The following BICC1 variants were observed in gnomAD, a reference collection of about 807,000 sequenced individuals.
The protein encoded by BICC1 is BicC family RNA binding protein 1.
A neutral mutation model predicts 111.0 loss-of-function variants in BICC1; 43 were observed. The ratio of observed to expected loss-of-function variants is 0.39; its 90% CI spans 0.30 to 0.50. BICC1 has a LOEUF of 0.50. BICC1 is among the 20% of genes least tolerant of loss of function. BICC1 has a pLI of 0.88. For missense variants in BICC1, 1,091 were observed against 1,203.2 expected (o/e 0.91, Z 1.38); for synonymous variants, 467 against 434.4 (o/e 1.07, Z -0.93).
chr10:58,608,899 C>T (rs1845323467), intron 1 of BICC1, among the ~76,000 whole-genome samples: 1 of 152,128 alleles, frequency 6.6e-6, no homozygotes, highest in Non-Finnish European at 1.5e-5. Flanking sequence ...ATAAGCAGCC[C>T]TGATGAAAGC....
At chr10:58,548,846 GT>G (rs1338102039) in intron 1 of BICC1, among the ~76,000 whole-genome samples, 1 of 152,042 alleles carries the variant, frequency 6.6e-6, no homozygotes, top group African/African-American at 2.4e-5. Context: ...ATAGGCCCTT[GT>G]TTTTGTTTTA....
chr10:58,568,970 G>A (rs1843858153), intron 1 of BICC1, among the ~76,000 whole-genome samples: 1 of 152,140 alleles, frequency 6.6e-6, no homozygotes, highest in African/African-American at 2.4e-5. Flanking sequence ...GTGTTCCTAA[G>A]GAAAGATTTT....
intron 1 of BICC1, among the ~76,000 whole-genome samples, chr10:58,549,535 C>T (rs1843233987): frequency 6.6e-6 from 1 of 151,736 alleles, no homozygotes; most frequent in Non-Finnish European, 1.5e-5. Flanking sequence ...TTGTATTTCC[C>T]TAATGAGATA....
intron 3 of BICC1, among the ~76,000 whole-genome samples, chr10:58,715,122 G>C (rs1840698154): frequency 6.6e-6 from 1 of 151,792 alleles, no homozygotes; most frequent in South Asian, 2.1e-4. Flanking sequence ...ACGACATCTT[G>C]GTTTTTTAAA....
chr10:58,513,033 G>A lies in BICC1; in HGVS notation c.-111G>A, dbSNP rs1461219870. 8 of 797,624 alleles carry A rather than the reference G, an allele frequency of 1.0e-5. No homozygotes were observed. Among genetic ancestry groups the A allele is most frequent in the African/African-American group, 1.8e-5 (1 of 54,454 alleles). 49.4% of individuals were successfully genotyped at this position (797,624 alleles called of 1,614,324 possible). ...GCGGTGGCGTCGGCGGCTGCAGGGG[G>A]ACGAGCTAGCGCCGCGGCGCTGGGA... On this transcript the variant is annotated 5_prime_UTR_variant, in exon 1 of 21. Coordinates refer to ENST00000373886, the MANE Select transcript of BICC1 (RefSeq NM_001080512.3).
At chr10:58,549,840 T>A (rs189533903) in intron 1 of BICC1, among the ~76,000 whole-genome samples, 1 of 151,492 alleles carries the variant, frequency 6.6e-6, no homozygotes, top group African/African-American at 2.4e-5. Flanking sequence ...TGTGCACCAT[T>A]GTGCCCGGCT....
chr10:58,677,220 T>C (rs1839373359), intron 2 of BICC1, among the ~76,000 whole-genome samples: 2 of 152,138 alleles, frequency 1.3e-5, no homozygotes, highest in South Asian at 4.1e-4. Context: ...TTGACAGAAG[T>C]AGGCTTCAGA....
intron 3 of BICC1, among the ~76,000 whole-genome samples, chr10:58,769,394 G>GTATATATATA (rs1424916212): frequency 4.7e-5 from 5 of 107,308 alleles, no homozygotes; most frequent in African/African-American, 1.5e-4. Flanking sequence ...GTGTGTGTGT[G>GTATATATATA]TGTGTGTGTG....
chr10:58,702,049 A>G (rs1211981889), intron 2 of BICC1, 25 bp from the exon 3 acceptor site: 2 of 1,583,068 alleles, frequency 1.3e-6, no homozygotes, highest in South Asian at 1.1e-5. Context: ...AATTGAGTCA[A>G]TATTTCTCTC....
intron 1 of BICC1, among the ~76,000 whole-genome samples, chr10:58,514,653 GTCTTTC>G (rs1842192503): frequency 7.1e-6 from 1 of 140,672 alleles, no homozygotes; most frequent in African/African-American, 2.8e-5. Context: ...TGTGTGTCAT[GTCTTTC>G]TCTGTCTCTC....
chr10:58,527,741 A>G (rs1298404378), intron 1 of BICC1, among the ~76,000 whole-genome samples: 2 of 151,880 alleles, frequency 1.3e-5, no homozygotes, highest in African/African-American at 4.8e-5. Flanking sequence ...GTAGATATAG[A>G]CCAATGGAAC....
At chr10:58,578,281 AGTT>A (rs776058145) in intron 1 of BICC1, among the ~76,000 whole-genome samples, 5 of 151,774 alleles carry the variant, frequency 3.3e-5, no homozygotes, top group Non-Finnish European at 7.4e-5. Flanking sequence ...AGTATTTCCG[AGTT>A]GTTATTTTTT....
chr10:58,691,443 A>G lies in BICC1; in HGVS notation c.238-10631A>G, dbSNP rs16912500. ...TTTTATGTCCCAGAGGAACCCCAAG[A>G]CCTGTTCTTCACTAACATTATAGGC... On this transcript the variant is annotated intron_variant, in intron 2 of 20. Transcript: ENST00000373886. Among the ~76,000 whole-genome samples the G allele has an allele frequency of 9.8e-3, 1,488 of 152,230 alleles. 21 individuals carry two copies. The highest frequency in any genetic ancestry group is 0.034 in the African/African-American group (1,432 of 41,540).
intron 17 of BICC1, among the ~76,000 whole-genome samples, chr10:58,808,508 G>C (rs1237765846): frequency 6.6e-6 from 1 of 152,084 alleles, no homozygotes; most frequent in East Asian, 1.9e-4. Flanking sequence ...AAGACCAACA[G>C]TAGGACAAGT....
intron 3 of BICC1, among the ~76,000 whole-genome samples, chr10:58,724,359 T>C (rs1244783394): frequency 1.3e-5 from 2 of 152,094 alleles, no homozygotes; most frequent in Non-Finnish European, 2.9e-5. Context: ...ATTGGATGAT[T>C]GGATGAAAGA....
chr10:58,773,362 G>C (rs1313252208), intron 3 of BICC1, among the ~76,000 whole-genome samples: 2 of 152,202 alleles, frequency 1.3e-5, no homozygotes, highest in African/African-American at 4.8e-5. Flanking sequence ...TGTTGTGTCA[G>C]TCTCACTCTG....
chr10:58,795,715 G>A (rs1205863820), intron 9 of BICC1, among the ~76,000 whole-genome samples: 1 of 151,420 alleles, frequency 6.6e-6, no homozygotes, highest in Non-Finnish European at 1.5e-5. Flanking sequence ...TTTTCTTGAT[G>A]AGTCCATTGT....
At chr10:58,802,004 CA>C (rs1441696678) in intron 14 of BICC1, among the ~76,000 whole-genome samples, 13 of 152,196 alleles carry the variant, frequency 8.5e-5, no homozygotes, top group African/African-American at 3.1e-4. Flanking sequence ...GCTTAAGCTG[CA>C]GCCTCCAGAA....
intron 9 of BICC1, among the ~76,000 whole-genome samples, chr10:58,794,115 C>G (rs1426064845): frequency 6.6e-6 from 1 of 150,602 alleles, no homozygotes; most frequent in African/African-American, 2.4e-5. Context: ...AATCTGGTAA[C>G]TTGAAGCTTT....
Sources: gnomAD v4.1 joint callset for allele counts (sites outside exome capture counted in the v4.1 genomes callset) on GRCh38, gnomAD v4.1.1 for gene constraint, MANE v1.5 for transcripts, NCBI Gene and HGNC (gene_info 2026-07-23, HGNC 2026-07-21) for gene names.